ANKAR: variants seen among roughly 807,000 people sequenced by gnomAD.
ANKAR encodes ankyrin and armadillo repeat containing.
Under a neutral mutation model 146.2 loss-of-function variants are expected in ANKAR, and 136 were observed. The observed-to-expected ratio is 0.93, with a 90% CI of 0.81 to 1.07. ANKAR has a LOEUF of 1.07. ANKAR is among the 50% of genes least tolerant of loss of function. ANKAR has a pLI of 0.00. For synonymous variants in ANKAR, 500 were observed against 575.8 expected (o/e 0.87, Z 1.88); for missense variants, 1,567 against 1,679.9 (o/e 0.93, Z 1.18).
chr2:189,701,949 G>A (rs1283673413), intron 7 of ANKAR, among the ~76,000 whole-genome samples: 3 of 152,040 alleles, frequency 2.0e-5, no homozygotes, highest in African/African-American at 7.2e-5. Flanking sequence ...GTAAGGTATG[G>A]GGGGAGAAGC....
At chr2:189,736,773 T>C (rs2042893892) in intron 17 of ANKAR, among the ~76,000 whole-genome samples, 1 of 151,920 alleles carries the variant, frequency 6.6e-6, no homozygotes, top group South Asian at 2.1e-4. Context: ...TGATTAACAG[T>C]GGCAGAAGAA....
chr2:189,759,991 C>T (rs577402998), intron 18 of ANKAR, among the ~76,000 whole-genome samples: 30 of 152,234 alleles, frequency 2.0e-4, no homozygotes, highest in African/African-American at 5.8e-4. Flanking sequence ...AAGCATCTGT[C>T]TAACAAAGCA....
downstream of ANKAR, chr2:189,762,574 G>C: frequency 1.0e-6 from 1 of 984,774 alleles, no homozygotes. Flanking sequence ...CACGTGACTT[G>C]GGTAGCGCTG....
intron 18 of ANKAR, chr2:189,753,820 A>G: frequency 2.3e-6 from 3 of 1,303,764 alleles, no homozygotes; most frequent in Non-Finnish European, 3.2e-6. Flanking sequence ...CATAAGGCAT[A>G]AAGATCTGTT....
chr2:189,739,010 A>G (rs1398086199), intron 19 of ANKAR, among the ~76,000 whole-genome samples: 1 of 152,228 alleles, frequency 6.6e-6, no homozygotes, highest in African/African-American at 2.4e-5. Flanking sequence ...ACTGATTTAT[A>G]ATAGTGGTGG....
downstream of ANKAR, among the ~76,000 whole-genome samples, chr2:189,751,460 T>TC (rs2045209627): frequency 2.7e-5 from 4 of 150,882 alleles, no homozygotes; most frequent in Non-Finnish European, 1.5e-5. Flanking sequence ...TTTTTTTTTT[T>TC]TTGAGATGGA....
exon 19 of ANKAR, chr2:189,761,116 T>A (rs2046999168): frequency 9.2e-6 from 2 of 217,008 alleles, no homozygotes; most frequent in Non-Finnish European, 1.8e-5. Flanking sequence ...GGACTTCAGC[T>A]GAGACCATGA....
intron 7 of ANKAR, among the ~76,000 whole-genome samples, chr2:189,699,960 C>T (rs1347750981): frequency 1.3e-5 from 2 of 152,160 alleles, no homozygotes; most frequent in African/African-American, 2.4e-5. Flanking sequence ...GCCACTGCAC[C>T]GGGCCTGATA....
intron 10 of ANKAR, 42 bp from the exon 11 acceptor site, chr2:189,719,530 A>C (rs1471492942): frequency 2.0e-6 from 3 of 1,532,194 alleles, no homozygotes; most frequent in Non-Finnish European, 2.7e-6. Flanking sequence ...AATGGTTACC[A>C]ATAATTCATG....
intron 12 of ANKAR, among the ~76,000 whole-genome samples, chr2:189,723,049 C>T (rs1225081): frequency 0.98 from 149,480 of 152,310 alleles, 73,411 homozygotes; most frequent in East Asian, 1. Context: ...TATATAACTT[C>T]AGTGCTTTAG....
At chr2:189,744,895 T>C (rs1471128380) in intron 22 of ANKAR, 107 bp downstream of exon 22, 4 of 825,616 alleles carry the variant, frequency 4.8e-6, no homozygotes, top group Non-Finnish European at 5.7e-6. Flanking sequence ...CAGTGGCTCA[T>C]GCCTGTAATC....
intron 2 of ANKAR, among the ~76,000 whole-genome samples, chr2:189,688,831 T>G (rs570340541): frequency 6.6e-6 from 1 of 152,316 alleles, no homozygotes; most frequent in Admixed American, 6.5e-5. Flanking sequence ...AGCAGGGACT[T>G]GAAGGCATTC....
At chr2:189,686,073 C>T (rs2035540517) in intron 2 of ANKAR, among the ~76,000 whole-genome samples, 1 of 152,166 alleles carries the variant, frequency 6.6e-6, no homozygotes, top group Non-Finnish European at 1.5e-5. Flanking sequence ...ATCAACAATC[C>T]CTCTGGCTTT....
At chr2:189,755,585 T>C in intron 18 of ANKAR, 1 of 1,572,756 alleles carries the variant, frequency 6.4e-7, no homozygotes, top group Non-Finnish European at 8.6e-7. Context: ...GACAGCATTT[T>C]GTAGTTTTAA....
intron 7 of ANKAR, among the ~76,000 whole-genome samples, chr2:189,704,488 G>A (rs1280684193): frequency 1.6e-5 from 2 of 124,152 alleles, no homozygotes; most frequent in Non-Finnish European, 3.3e-5. Flanking sequence ...TATATACAAT[G>A]GAAAAAATAA....
At chr2:189,760,817 G>T (rs564053384) in intron 18 of ANKAR, among the ~76,000 whole-genome samples, 57 of 152,134 alleles carry the variant, frequency 3.7e-4, no homozygotes, top group Non-Finnish European at 6.8e-4. Flanking sequence ...AAAAAATCTG[G>T]ATTTCCATTT....
downstream of ANKAR, chr2:189,762,788 G>A (rs1574951819): frequency 2.0e-6 from 2 of 985,518 alleles, no homozygotes; most frequent in Non-Finnish European, 2.4e-6. Context: ...GCGCCCGGAA[G>A]TGATGTCATC....
At chr2:189,732,790 G>T (rs2249764) in intron 16 of ANKAR, among the ~76,000 whole-genome samples, 25 of 151,366 alleles carry the variant, frequency 1.7e-4, no homozygotes, top group African/African-American at 6.1e-4. Context: ...TTTTAATATG[G>T]AAGGGATACA....
chr2:189,755,782 C>A (rs2106018591), intron 18 of ANKAR, among the ~76,000 whole-genome samples: 1 of 152,234 alleles, frequency 6.6e-6, no homozygotes, highest in South Asian at 2.1e-4. Context: ...GCACAACAGA[C>A]TCCCATGGAT....
Sources: gnomAD v4.1 joint callset for allele counts (sites outside exome capture counted in the v4.1 genomes callset) on GRCh38, gnomAD v4.1.1 for gene constraint, MANE v1.5 for transcripts, NCBI Gene and HGNC (gene_info 2026-07-23, HGNC 2026-07-21) for gene names.